The following ZFHX4 variants were observed in gnomAD, a reference collection of about 807,000 sequenced individuals.
ZFHX4 encodes zinc finger homeobox 4.
Under a neutral mutation model 267.6 loss-of-function variants are expected in ZFHX4, and 56 were observed. The observed-to-expected ratio is 0.21, with a 90% CI of 0.17 to 0.26. The LOEUF is 0.26. ZFHX4 is among the 10% of genes least tolerant of loss of function. The pLI, the probability that ZFHX4 is intolerant of heterozygous loss-of-function variation, is 1.00. For missense variants in ZFHX4, 4,332 were observed against 4,420.0 expected, an observed-to-expected ratio of 0.98 and a Z score of 0.56; for synonymous variants, 1,778 against 1,665.6, an observed-to-expected ratio of 1.07 and a Z score of -1.64.
In ZFHX4 at chr8:76,855,494, A is replaced by G; in HGVS notation, c.8573A>G (p.Glu2858Gly). Residue 2858 changes from glutamate (E) to glycine (G), a missense_variant, in exon 10 of 11, where the codon GAG becomes GGG. Physicochemically the swap from Glu to Gly is moderately conservative, Grantham distance 98. Transcript: ENST00000651372. The part of the protein sequence containing the change: ...LPKPATTPTT[E>G]VCDDKFLFSL... ...AAACCTGCAACCACACCTACCACGGAGGTCTGCGATGACAAATTTCTCTTT... is the reference window on the plus strand; with the variant it reads ...AAACCTGCAACCACACCTACCACGGGGGTCTGCGATGACAAATTTCTCTTT... 6.2e-7 allele frequency: 1 copy of G among 1,613,826 alleles called. No homozygotes were observed. Among genetic ancestry groups the G allele is most frequent in the South Asian group, 1.1e-5 (1 of 91,068 alleles).
intron 1 of ZFHX4, chr8:76,683,132 G>A (rs530762419): frequency 6.6e-6 from 1 of 152,104 alleles, no homozygotes; most frequent in East Asian, 1.9e-4. Flanking sequence ...GGCGCCTTTG[G>A]CCGCGACTTC....
chr8:76,839,054 AG>A (rs1456845077), intron 5 of ZFHX4, among the ~76,000 whole-genome samples: 1 of 2,466 alleles, frequency 4.1e-4, no homozygotes, highest in African/African-American at 4.6e-3. Context: ...TCTGTCTGAA[AG>A]AGAGAGAGAG....
At chr8:76,733,288 G>C (rs896280565) in intron 3 of ZFHX4, 1 of 151,954 alleles carries the variant, frequency 6.6e-6, no homozygotes, top group Non-Finnish European at 1.5e-5. Flanking sequence ...TTTCTGTTTC[G>C]GTCATCTCAG....
In ZFHX4 at chr8:76,864,252, A is replaced by ACAC. The variant is rs1374716041; in HGVS notation, c.10540_10542dup (p.Thr3514dup). ...TCGCAGTCTGCAGCTTCTTCTAATA[A>ACAC]CACCTATCCTCATCTTTCTTGCTTC... is the stretch of plus-strand genomic sequence containing the variant. On this transcript the variant is annotated inframe_insertion, in exon 11 of 11. Transcript: ENST00000651372. 6 of 1,613,870 alleles carry ACAC rather than the reference A, an allele frequency of 3.7e-6. No individual in the cohort carries two copies. Among genetic ancestry groups the ACAC allele is most frequent in the Non-Finnish European group, 5.1e-6 (6 of 1,179,844 alleles).
chr8:76,855,094 C>T lies in ZFHX4; in HGVS notation c.8173C>T (p.Gln2725Ter). Residue 2725 changes from glutamine to a stop codon, truncating the protein, a stop_gained, in exon 10 of 11, where the codon CAG (glutamine) becomes TAG (stop). Coordinates refer to ENST00000651372, the MANE Select transcript of ZFHX4 (RefSeq NM_024721.5). LOFTEE classifies it high-confidence loss of function. ...ISTEDGGESP[Q>*]KYIYFDYPSL... ...CACCGAAGATGGGGGAGAAAGCCCA[C>T]AGAAATACATCTATTTTGATTACCC... 6.2e-7 allele frequency: 1 copy of T among 1,613,838 alleles called. No individual in the cohort carries two copies. The highest frequency in any genetic ancestry group is 8.5e-7 in the Non-Finnish European group (1 of 1,179,818).
Position 76,704,416 on chromosome 8 carries a change from G to T in ZFHX4, c.328G>T (p.Asp110Tyr). ...CPNARLPVLKDDNESEISELE... is the reference protein window; with the variant it reads ...CPNARLPVLKYDNESEISELE... ...TAATGCCCGCCTTCCTGTCCTGAAGGATGACAACGAGAGCGAGATCAGCGA... is the reference window on the plus strand; with the variant it reads ...TAATGCCCGCCTTCCTGTCCTGAAGTATGACAACGAGAGCGAGATCAGCGA... Residue 110 changes from aspartate to tyrosine, a missense_variant, in exon 2 of 11, where the codon GAT (aspartate) becomes TAT (tyrosine). Physicochemically the swap from Asp to Tyr is radical, Grantham distance 160. Coordinates refer to ENST00000651372, the MANE Select transcript of ZFHX4 (RefSeq NM_024721.5). 1 of 1,613,994 alleles carries T rather than the reference G, an allele frequency of 6.2e-7. No individual in the cohort carries two copies. Among genetic ancestry groups the T allele is most frequent in the Non-Finnish European group, 8.5e-7 (1 of 1,179,894 alleles).
chr8:76,721,147 A>G (rs1223269634), intron 3 of ZFHX4, among the ~76,000 whole-genome samples: 1 of 152,142 alleles, frequency 6.6e-6, no homozygotes, highest in African/African-American at 2.4e-5. Context: ...GTAAAGATTT[A>G]GAGTCTTTTG....
chr8:76,834,087 A>AAT (rs747908914), intron 5 of ZFHX4: 91 of 427,840 alleles, frequency 2.1e-4, no homozygotes, highest in Middle Eastern at 5.3e-4. Flanking sequence ...AGTGCTGAAT[A>AAT]ATATATATAT....
intron 10 of ZFHX4, among the ~76,000 whole-genome samples, chr8:76,860,770 G>A (rs191926141): frequency 7.9e-5 from 12 of 152,174 alleles, no homozygotes; most frequent in African/African-American, 2.4e-4. Context: ...TTTAACTGTC[G>A]AATGGAAAAT....
At chr8:76,748,575 C>T (rs1809532334) in intron 3 of ZFHX4, among the ~76,000 whole-genome samples, 1 of 152,174 alleles carries the variant, frequency 6.6e-6, no homozygotes, top group African/African-American at 2.4e-5. Context: ...GCTGGGGGTA[C>T]AGGCACACAT....
At chr8:76,817,630 G>A (rs1167990123) in intron 4 of ZFHX4, among the ~76,000 whole-genome samples, 1 of 152,182 alleles carries the variant, frequency 6.6e-6, no homozygotes, top group African/African-American at 2.4e-5. Flanking sequence ...GAAGGGACTA[G>A]GAAAAGGAAA....
chr8:76,850,847 T>C (rs747161507), intron 9 of ZFHX4, 39 bp from the exon 10 acceptor site: 1 of 1,474,310 alleles, frequency 6.8e-7, no homozygotes. Context: ...GAGTAGGTTT[T>C]CTTATTGTAA....
At chr8:76,708,538 G>A in intron 3 of ZFHX4, among the ~76,000 whole-genome samples, 1 of 152,096 alleles carries the variant, frequency 6.6e-6, no homozygotes, top group East Asian at 1.9e-4. Context: ...GTAGCACTGA[G>A]TAAACACACT....
intron 4 of ZFHX4, among the ~76,000 whole-genome samples, chr8:76,783,445 A>G (rs948710244): frequency 7.9e-5 from 12 of 152,050 alleles, no homozygotes; most frequent in African/African-American, 2.7e-4. Flanking sequence ...TTGAACATAC[A>G]CTTTTGAAGA....
At chr8:76,776,354 C>T (rs1810400714) in intron 3 of ZFHX4, among the ~76,000 whole-genome samples, 1 of 152,076 alleles carries the variant, frequency 6.6e-6, no homozygotes, top group Non-Finnish European at 1.5e-5. Flanking sequence ...ACCACCCCCA[C>T]CATCCCACAA....
intron 3 of ZFHX4, among the ~76,000 whole-genome samples, chr8:76,755,957 C>T (rs978241979): frequency 6.6e-6 from 1 of 152,180 alleles, no homozygotes; most frequent in Non-Finnish European, 1.5e-5. Flanking sequence ...CCCAGCCATT[C>T]TCTAATGTTA....
intron 3 of ZFHX4, among the ~76,000 whole-genome samples, chr8:76,709,802 CGT>C (rs34448728): frequency 0.052 from 7,305 of 139,666 alleles, 374 homozygotes; most frequent in East Asian, 0.29. Context: ...CGTGTGTGTG[CGT>C]GTGTGTGTGT....
At chr8:76,751,463 A>G (rs950437136) in intron 3 of ZFHX4, among the ~76,000 whole-genome samples, 1 of 152,196 alleles carries the variant, frequency 6.6e-6, no homozygotes, top group African/African-American at 2.4e-5. Context: ...TTCTTGACAC[A>G]GTGGTCTTGG....
rs929882847 is a variant in ZFHX4, at chr8:76,707,674, G to A, written c.2719G>A (p.Ala907Thr). ...CCCAGCGCTGAAGCTATTCCAGTGTGCTGTTTGCAACAAATTCACCTCTGA... is the reference window on the plus strand; with the variant it reads ...CCCAGCGCTGAAGCTATTCCAGTGTACTGTTTGCAACAAATTCACCTCTGA... ...SDPALKLFQC[A>T]VCNKFTSDSL... Residue 907 changes from alanine to threonine, a missense_variant, in exon 3 of 11, where the codon GCT becomes ACT. By Grantham distance (58) the Ala-to-Thr change is moderately conservative (BLOSUM62 0). Coordinates refer to ENST00000651372, the MANE Select transcript of ZFHX4 (RefSeq NM_024721.5). 2 of 1,613,844 alleles carry A rather than the reference G, an allele frequency of 1.2e-6. No individual in the cohort carries two copies. Among genetic ancestry groups the A allele is most frequent in the Non-Finnish European group, 1.7e-6 (2 of 1,179,884 alleles).
Sources: gnomAD v4.1 joint callset for allele counts (sites outside exome capture counted in the v4.1 genomes callset) on GRCh38, gnomAD v4.1.1 for gene constraint, MANE v1.5 for transcripts, NCBI Gene and HGNC (gene_info 2026-07-23, HGNC 2026-07-21) for gene names.